Variants in DPH7 observed in about 807,000 individuals in gnomAD.
DPH7 encodes the protein diphthamide biosynthesis 7, also known as diphthine methyltransferase.
Under a neutral mutation model 41.7 loss-of-function variants are expected in DPH7, and 44 were observed. The ratio of observed to expected loss-of-function variants is 1.05; its 90% CI spans 0.83 to 1.36. The LOEUF is 1.36. Among genes scored for constraint, DPH7 ranks in the 40% most tolerant of loss-of-function variants. The probability of loss-of-function intolerance (pLI) is 0.00; values close to 1 mark genes in which losing one functional copy is unlikely to be tolerated. For synonymous variants in DPH7, 275 were observed against 238.0 expected, an observed-to-expected ratio of 1.16 and a Z score of -1.43; for missense variants, 629 against 577.5, an observed-to-expected ratio of 1.09 and a Z score of -0.91.
chr9:137,564,918 G>A lies in DPH7; in HGVS notation c.751C>T (p.Arg251Trp), dbSNP rs201129300. Residue 251 changes from arginine to tryptophan, a missense_variant, in exon 7 of 9, where the codon CGG becomes TGG. Physicochemically the swap from Arg to Trp is moderately radical, Grantham distance 101. Coordinates refer to ENST00000277540, the MANE Select transcript of DPH7 (RefSeq NM_138778.5). ...GVCSIQSSPH[R>W]EHILATGSYD... Reference sequence around the variant, plus strand: ...CTTCCCGTGGCCAGGATGTGCTCCCGATGAGGGCTGCTCTGGATGCTGCAC... The same window carrying A: ...CTTCCCGTGGCCAGGATGTGCTCCCAATGAGGGCTGCTCTGGATGCTGCAC... 7.6e-5 allele frequency: 122 copies of A among 1,596,514 alleles called. No homozygotes were observed. The East Asian group carries it at 1.3e-3, about 17-fold the overall frequency.
intron 2 of DPH7, 55 bp downstream of exon 2, chr9:137,577,415 C>G (rs1008216484): frequency 5.1e-6 from 8 of 1,561,382 alleles, no homozygotes; most frequent in Non-Finnish European, 7.0e-6. Context: ...CATCAGGCTT[C>G]CCTGATTGCT....
chr9:137,575,859 C>T, intron 3 of DPH7: 3 of 1,369,474 alleles, frequency 2.2e-6, no homozygotes, highest in Non-Finnish European at 2.8e-6. Context: ...CCTGTCACTT[C>T]AGCCCTTCTG....
chr9:137,557,003 C>A, intron 8 of DPH7: 1 of 427,242 alleles, frequency 2.3e-6, no homozygotes, highest in South Asian at 1.7e-5. Flanking sequence ...GTCGCATAGG[C>A]TGGAGTGCAC....
rs1837256901 is a variant in DPH7, at chr9:137,555,259, AG to A, written c.1338del (p.Trp447GlyfsTer51). The part of the protein sequence containing the change: ...TCSFYDHALH[L>X]WEWEGN ...CAAGCTCAGTTCCCCTCCCACTCCCAGAGGTGGAGCGCATGGTCATAGAAGG... is the reference window on the plus strand; with the variant it reads ...CAAGCTCAGTTCCCCTCCCACTCCCAAGGTGGAGCGCATGGTCATAGAAGG... On this transcript the variant is annotated frameshift_variant, in exon 9 of 9. Coordinates refer to ENST00000277540, the MANE Select transcript of DPH7 (RefSeq NM_138778.5). LOFTEE classifies it high-confidence loss of function. 7.5e-6 allele frequency: 12 copies of A among 1,604,322 alleles called. No homozygotes were observed. Among genetic ancestry groups the A allele is most frequent in the Non-Finnish European group, 1.0e-5 (12 of 1,173,970 alleles).
Position 137,578,847 on chromosome 9 carries a change from G to A in DPH7, c.-70C>T, listed in dbSNP as rs1387497486. 15 of 1,322,102 alleles carry A rather than the reference G, an allele frequency of 1.1e-5. No homozygotes were observed. Among genetic ancestry groups the A allele is most frequent in the African/African-American group, 1.5e-5 (1 of 64,598 alleles). The allele number at this position is 1,322,102 out of a possible 1,614,324, so 81.9% of individuals were successfully genotyped here. On this transcript the variant is annotated 5_prime_UTR_variant, in exon 1 of 9. Coordinates refer to ENST00000277540, the MANE Select transcript of DPH7 (RefSeq NM_138778.5). ...GGCGGGGCCGGGCTGGGTACTGCGC[G>A]GGGCGGCGAGGCCGGGGCCGGCCGG...
Position 137,578,907 on chromosome 9 carries a change from G to T in DPH7, c.-130C>A. On this transcript the variant is annotated 5_prime_UTR_variant, in exon 1 of 9. Transcript: ENST00000277540. Reference sequence around the variant, plus strand: ...GAGCCCCAGGGACACCGTCAGCGCGGGCCGCCTCTCTCGCGACTCCTTCCG... The same window carrying T: ...GAGCCCCAGGGACACCGTCAGCGCGTGCCGCCTCTCTCGCGACTCCTTCCG... The T allele has an allele frequency of 1.9e-6, 2 of 1,034,240 alleles. No homozygotes were observed. Among genetic ancestry groups the T allele is most frequent in the Non-Finnish European group, 2.5e-6 (2 of 799,706 alleles). 64.1% of individuals were successfully genotyped at this position (1,034,240 alleles called of 1,614,324 possible).
chr9:137,561,211 T>C (rs11137131), intron 8 of DPH7, among the ~76,000 whole-genome samples: 3,208 of 152,096 alleles, frequency 0.021, 74 homozygotes, highest in Admixed American at 0.058. Flanking sequence ...AGTGAAGGGA[T>C]TGGGGCAAAC....
At chr9:137,569,122 A>C (rs748144230) in intron 5 of DPH7, among the ~76,000 whole-genome samples, 4 of 152,060 alleles carry the variant, frequency 2.6e-5, no homozygotes, top group Admixed American at 6.5e-5. Flanking sequence ...ACCTGAAGGA[A>C]GGGAAGCTCA....
intron 8 of DPH7, among the ~76,000 whole-genome samples, chr9:137,558,302 C>CACTG (rs1317648779): frequency 6.6e-6 from 1 of 152,148 alleles, no homozygotes; most frequent in African/African-American, 2.4e-5. Context: ...TGAGTTGAGG[C>CACTG]AGGAGGACTG....
chr9:137,560,714 G>A (rs1838375334), intron 8 of DPH7, among the ~76,000 whole-genome samples: 1 of 152,154 alleles, frequency 6.6e-6, no homozygotes, highest in Admixed American at 6.5e-5. Flanking sequence ...AAATTAGCCA[G>A]GTGTGGTGGT....
chr9:137,564,455 G>A lies in DPH7; in HGVS notation c.928C>T (p.Leu310Phe). The A allele has an allele frequency of 1.9e-6, 3 of 1,613,698 alleles. No individual in the cohort carries two copies. The highest frequency in any genetic ancestry group is 2.5e-6 in the Non-Finnish European group (3 of 1,179,782). Residue 310 changes from leucine to phenylalanine, a missense_variant, in exon 8 of 9, where the codon CTC becomes TTC. Leu to Phe is a conservative substitution (Grantham distance 22). Coordinates refer to ENST00000277540, the MANE Select transcript of DPH7 (RefSeq NM_138778.5). ...AACMHSGFKI[L>F]NCQKAMEERQ... Reference sequence around the variant, plus strand: ...TCACCCATTGCCTTTTGGCAGTTGAGGATCTTAAAGCCACTGTGCATGCAG... The same window carrying A: ...TCACCCATTGCCTTTTGGCAGTTGAAGATCTTAAAGCCACTGTGCATGCAG...
At chr9:137,570,346 A>G (rs1840225749) in intron 5 of DPH7, among the ~76,000 whole-genome samples, 1 of 152,140 alleles carries the variant, frequency 6.6e-6, no homozygotes, top group Admixed American at 6.5e-5. Context: ...TTTATACGTG[A>G]GTCTCTCCAC....
In DPH7 at chr9:137,576,071, G is replaced by C; in HGVS notation, c.375+9C>G. On this transcript the variant is annotated intron_variant, in intron 3 of 8. Coordinates refer to ENST00000277540, the MANE Select transcript of DPH7 (RefSeq NM_138778.5). ...CTTCTGCCCCACAGAACAAGTGCAA[G>C]TCACTGACCTCAGATTCCACCAGGC... is the stretch of plus-strand genomic sequence containing the variant. 1 of 1,613,848 alleles carries C rather than the reference G, an allele frequency of 6.2e-7. No individual in the cohort carries two copies. Among genetic ancestry groups the C allele is most frequent in the Non-Finnish European group, 8.5e-7 (1 of 1,180,026 alleles).
chr9:137,577,431 T>C (rs757413628), intron 2 of DPH7, 39 bp downstream of exon 2: 19 of 1,598,948 alleles, frequency 1.2e-5, no homozygotes, highest in East Asian at 4.5e-5. Flanking sequence ...TTGCTACTCA[T>C]GACAAATTCT....
In DPH7 at chr9:137,578,697, G is replaced by A. The variant is rs1213064217; in HGVS notation, c.81C>T (p.Cys27=). 2 of 1,530,738 alleles carry A rather than the reference G, an allele frequency of 1.3e-6. No individual in the cohort carries two copies. The highest frequency in any genetic ancestry group is 2.0e-5 in the Admixed American group (1 of 48,894). 94.8% of individuals were successfully genotyped at this position (1,530,738 alleles called of 1,614,324 possible). A position where few individuals can be genotyped will look rare whatever the true frequency, so the allele number is the denominator to read the frequency against. Residue 27 remains cysteine (C), a synonymous_variant, in exon 1 of 9, where the codon TGC becomes TGT. Coordinates refer to ENST00000277540, the MANE Select transcript of DPH7 (RefSeq NM_138778.5). ...DSVEWCPLQG[C]RHLLACGTYQ... ...AGGTCCCGCACGCCAGCAGGTGCCTGCAGCCTTGCAGCGGGCACCACTCCA... is the reference window on the plus strand; with the variant it reads ...AGGTCCCGCACGCCAGCAGGTGCCTACAGCCTTGCAGCGGGCACCACTCCA...
In DPH7 at chr9:137,578,773, A is replaced by G; in HGVS notation, c.5T>C (p.Met2Thr). The change falls in exon 1 of 9, where the codon ATG becomes ACG. Residue 2 changes from methionine to threonine, a missense_variant. Coordinates refer to ENST00000277540, the MANE Select transcript of DPH7 (RefSeq NM_138778.5). Reference protein sequence around the residue: MMGCFALQTVDT... With the variant: MTGCFALQTVDT... ...CACCGTTTGCAGGGCGAAACAGCCCATCATCCAGCCCTCGGGGAAGGGCGC... is the reference window on the plus strand; with the variant it reads ...CACCGTTTGCAGGGCGAAACAGCCCGTCATCCAGCCCTCGGGGAAGGGCGC... The G allele has an allele frequency of 1.3e-6, 2 of 1,496,654 alleles. No individual in the cohort carries two copies. The highest frequency in any genetic ancestry group is 1.3e-5 in the South Asian group (1 of 78,090). The allele number at this position is 1,496,654 out of a possible 1,614,324, so 92.7% of individuals were successfully genotyped here.
chr9:137,576,758 C>T (rs867258095), intron 2 of DPH7, among the ~76,000 whole-genome samples: 12 of 152,194 alleles, frequency 7.9e-5, no homozygotes, highest in South Asian at 4.1e-4. Flanking sequence ...GGTGTGGTGG[C>T]GGGCGCCTGT....
At position 137,559,158 on chromosome 9, in the gene DPH7, A is replaced by G. The variant is rs1838057507; in HGVS notation, c.950-3510T>C. ...TACTCTTTATCCCAATATTATAATA[A>G]TCCTCGCTCTACAATCATAACCTAG... On this transcript the variant is annotated intron_variant, in intron 8 of 8. Coordinates refer to ENST00000277540, the MANE Select transcript of DPH7 (RefSeq NM_138778.5). Among the ~76,000 whole-genome samples the G allele has an allele frequency of 2.0e-5, 3 of 152,206 alleles. No homozygotes were observed. In the South Asian group the frequency reaches 6.2e-4, roughly 32 times the overall value.
At chr9:137,555,988 C>A (rs1053639312) in intron 8 of DPH7, among the ~76,000 whole-genome samples, 1 of 152,136 alleles carries the variant, frequency 6.6e-6, no homozygotes, top group African/African-American at 2.4e-5. Context: ...TTTTAGCCAG[C>A]TGGGAAGGAA....
Sources: gnomAD v4.1 joint callset for allele counts (sites outside exome capture counted in the v4.1 genomes callset) on GRCh38, gnomAD v4.1.1 for gene constraint, MANE v1.5 for transcripts, NCBI Gene and HGNC (gene_info 2026-07-23, HGNC 2026-07-21) for gene names.